The following TMPRSS11E variants were observed in gnomAD, a reference collection of about 807,000 sequenced individuals.
The protein encoded by TMPRSS11E is transmembrane serine protease 11E, also known as transmembrane protease serine 11E.
Under a neutral mutation model 48.1 loss-of-function variants are expected in TMPRSS11E, and 38 were observed. The observed-to-expected ratio is 0.79, with a 90% CI of 0.61 to 1.04. The LOEUF is 1.04. Ranked by LOEUF, TMPRSS11E falls within the 50% of genes least tolerant of loss-of-function variation. The pLI, the probability that TMPRSS11E is intolerant of heterozygous loss-of-function variation, is 0.00. For synonymous variants in TMPRSS11E, 158 were observed against 171.9 expected (o/e 0.92, Z 0.63); for missense variants, 530 against 510.8 (o/e 1.04, Z -0.36).
At chr4:68,448,942 G>A (rs1287834475) in intron 1 of TMPRSS11E, among the ~76,000 whole-genome samples, 2 of 151,672 alleles carry the variant, frequency 1.3e-5, no homozygotes, top group Non-Finnish European at 3.0e-5. Context: ...GAGTGTTATC[G>A]AGGAAGAGGG....
intron 9 of TMPRSS11E, among the ~76,000 whole-genome samples, chr4:68,479,438 G>T (rs3100650): frequency 0.94 from 141,044 of 150,646 alleles, 66,662 homozygotes; most frequent in Non-Finnish European, 1. Context: ...TTGGCTTTTT[G>T]TTGTAGAAAA....
At chr4:68,478,478 G>A (rs1426845796) in intron 8 of TMPRSS11E, among the ~76,000 whole-genome samples, 2 of 53,160 alleles carry the variant, frequency 3.8e-5, no homozygotes, top group Non-Finnish European at 6.9e-5. Flanking sequence ...TTTTTAAGAT[G>A]GGGCTTCTTT....
At chr4:68,496,552 C>A in intron 9 of TMPRSS11E, 91 bp from the exon 10 acceptor site, 1 of 1,281,004 alleles carries the variant, frequency 7.8e-7, no homozygotes, top group South Asian at 1.5e-5. Flanking sequence ...TTGAAAATTA[C>A]CCCTTTCATT....
chr4:68,478,656 T>C (rs1282700086), intron 8 of TMPRSS11E, among the ~76,000 whole-genome samples, 193 bp from the exon 9 acceptor site: 1 of 151,762 alleles, frequency 6.6e-6, no homozygotes, highest in Non-Finnish European at 1.5e-5. Context: ...GATTTCACCA[T>C]GTTGGCCAAG....
At chr4:68,472,184 T>G (rs1156710027) in intron 5 of TMPRSS11E, among the ~76,000 whole-genome samples, 1 of 151,888 alleles carries the variant, frequency 6.6e-6, no homozygotes, top group African/African-American at 2.4e-5. Flanking sequence ...GTCCTCACAT[T>G]TAGAAAATAA....
At chr4:68,464,057 T>C (rs1001774061) in intron 2 of TMPRSS11E, among the ~76,000 whole-genome samples, 2 of 152,224 alleles carry the variant, frequency 1.3e-5, no homozygotes, top group African/African-American at 4.8e-5. Context: ...GTTGTTTGGA[T>C]GATCAACTGA....
chr4:68,471,691 T>TA, intron 5 of TMPRSS11E, 68 bp downstream of exon 5: 3 of 1,321,700 alleles, frequency 2.3e-6, no homozygotes, highest in African/African-American at 1.5e-5. Flanking sequence ...TGGCACTTAT[T>TA]AAAAAATTTT....
chr4:68,485,125 T>C (rs1382482183), intron 9 of TMPRSS11E, among the ~76,000 whole-genome samples: 1 of 152,096 alleles, frequency 6.6e-6, no homozygotes, highest in Non-Finnish European at 1.5e-5. Flanking sequence ...GTTCCTCTGA[T>C]GCCTAGTTAG....
At chr4:68,488,006 A>G (rs1470601026) in intron 9 of TMPRSS11E, among the ~76,000 whole-genome samples, 1 of 148,982 alleles carries the variant, frequency 6.7e-6, no homozygotes, top group African/African-American at 2.5e-5. Flanking sequence ...CTTTTGGCTT[A>G]TAAGGTTTCT....
chr4:68,460,376 T>G (rs1728755615), intron 1 of TMPRSS11E, among the ~76,000 whole-genome samples: 1 of 152,200 alleles, frequency 6.6e-6, no homozygotes, highest in Non-Finnish European at 1.5e-5. Flanking sequence ...TGCTTTGCTG[T>G]TTACACGTTC....
chr4:68,466,661 C>T lies in TMPRSS11E; in HGVS notation c.167C>T (p.Thr56Ile). The T allele has an allele frequency of 6.2e-7, 1 of 1,613,248 alleles. No individual in the cohort carries two copies. Among genetic ancestry groups the T allele is most frequent in the Non-Finnish European group, 8.5e-7 (1 of 1,179,326 alleles). Residue 56 changes from threonine to isoleucine, a missense_variant, in exon 3 of 10, where the codon ACA (threonine) becomes ATA (isoleucine). Coordinates refer to ENST00000305363, the MANE Select transcript of TMPRSS11E (RefSeq NM_014058.4). ...AAGAAGACCTACAATTACTATAGCA[C>T]ATTGTCATTTACAACTGACAAACTA... ...NQKKTYNYYS[T>I]LSFTTDKLYA...
chr4:68,464,454 C>A (rs1167830402), intron 2 of TMPRSS11E, among the ~76,000 whole-genome samples: 2 of 152,116 alleles, frequency 1.3e-5, no homozygotes, highest in Admixed American at 6.6e-5. Context: ...AACATCACTG[C>A]AGATTATAGA....
chr4:68,487,327 A>T (rs1729583758), intron 9 of TMPRSS11E, among the ~76,000 whole-genome samples: 1 of 151,360 alleles, frequency 6.6e-6, no homozygotes. Flanking sequence ...ATCTGAGCTC[A>T]CTACATCCTC....
chr4:68,479,855 A>G (rs1252773089), intron 9 of TMPRSS11E, among the ~76,000 whole-genome samples: 1 of 151,998 alleles, frequency 6.6e-6, no homozygotes, highest in Non-Finnish European at 1.5e-5. Flanking sequence ...CTCTTTTAGT[A>G]TAGGTATGCT....
chr4:68,477,881 T>G (rs1729276302), intron 8 of TMPRSS11E, among the ~76,000 whole-genome samples: 1 of 152,108 alleles, frequency 6.6e-6, no homozygotes, highest in South Asian at 2.1e-4. Context: ...CAAATATGTC[T>G]CCTAGCCATG....
At chr4:68,457,629 A>C (rs1363328776) in intron 1 of TMPRSS11E, among the ~76,000 whole-genome samples, 2 of 152,148 alleles carry the variant, frequency 1.3e-5, no homozygotes, top group African/African-American at 2.4e-5. Flanking sequence ...TCACAATAGC[A>C]AAGACTTGGA....
chr4:68,483,984 T>C (rs1729482092), intron 9 of TMPRSS11E, among the ~76,000 whole-genome samples: 1 of 152,188 alleles, frequency 6.6e-6, no homozygotes, highest in African/African-American at 2.4e-5. Flanking sequence ...TTTGGTTCCA[T>C]TGATCTATGT....
intron 7 of TMPRSS11E, 125 bp from the exon 8 acceptor site, chr4:68,477,244 A>G (rs1170864315): frequency 3.2e-6 from 3 of 934,588 alleles, no homozygotes; most frequent in Non-Finnish European, 4.8e-6. Flanking sequence ...AATTGGAAAG[A>G]GTTCTATACA....
rs1578149316 is a variant in TMPRSS11E, at chr4:68,496,815, C to T, written c.*11C>T. ...AAAACTGGTATCTAAGAGAGAAAAGCCTCATGGAACAGATAACATTTTTTT... is the reference window on the plus strand; with the variant it reads ...AAAACTGGTATCTAAGAGAGAAAAGTCTCATGGAACAGATAACATTTTTTT... On this transcript the variant is annotated 3_prime_UTR_variant, in exon 10 of 10. Coordinates refer to ENST00000305363, the MANE Select transcript of TMPRSS11E (RefSeq NM_014058.4). 8 of 1,597,514 alleles carry T rather than the reference C, an allele frequency of 5.0e-6. 1 individual carries two copies. The highest frequency in any genetic ancestry group is 1.8e-5 in the Admixed American group (1 of 55,744).
Sources: gnomAD v4.1 joint callset for allele counts (sites outside exome capture counted in the v4.1 genomes callset) on GRCh38, gnomAD v4.1.1 for gene constraint, MANE v1.5 for transcripts, NCBI Gene and HGNC (gene_info 2026-07-23, HGNC 2026-07-21) for gene names.